FLRT1: variants seen among roughly 807,000 people sequenced by gnomAD.
FLRT1 encodes leucine-rich repeat transmembrane protein FLRT1.
In FLRT1, 14 loss-of-function variants were observed where a neutral mutation model predicts 30.9. The ratio of observed to expected loss-of-function variants is 0.45; its 90% confidence interval spans 0.30 to 0.71. The LOEUF (loss-of-function observed/expected upper bound fraction) is 0.71, where lower values mean the gene tolerates loss of function less well. Among genes scored for constraint, FLRT1 ranks in the 30% least tolerant of loss-of-function variants. The probability of loss-of-function intolerance (pLI) is 0.08; values close to 1 mark genes in which losing one functional copy is unlikely to be tolerated. For synonymous variants in FLRT1, 368 were observed against 430.4 expected, an observed-to-expected ratio of 0.85 and a Z score of 1.80; for missense variants, 737 against 949.2, an observed-to-expected ratio of 0.78 and a Z score of 2.94.
intron 1 of FLRT1, among the ~76,000 whole-genome samples, chr11:64,061,612 A>G (rs1465665592): frequency 6.6e-6 from 1 of 152,110 alleles, no homozygotes; most frequent in African/African-American, 2.4e-5. Flanking sequence ...CCGAATCTGC[A>G]TGCCTCTCTG....
Position 64,096,013 on chromosome 11 carries a change from G to A in FLRT1, c.-1037-7181G>A, listed in dbSNP as rs1028295215. Reference sequence around the variant, plus strand: ...GGCCCATGAGCCTGCAGGATATGTCGCGCTGCAGCCAGCACAGTGCTGCTT... The same window carrying A: ...GGCCCATGAGCCTGCAGGATATGTCACGCTGCAGCCAGCACAGTGCTGCTT... On this transcript the variant is annotated intron_variant, in intron 1 of 2. Coordinates refer to ENST00000682287, the MANE Select transcript of FLRT1 (RefSeq NM_013280.5). This position sits in a 1 kb window ranked among gnomAD's most constrained non-coding sequence, Gnocchi z 4.6. 2.0e-5 allele frequency among the ~76,000 whole-genome samples: 3 copies of A among 152,170 alleles called. No individual in the cohort carries two copies. Among genetic ancestry groups the A allele is most frequent in the Non-Finnish European group, 2.9e-5 (2 of 68,022 alleles).
At chr11:64,043,930 C>T (rs1453320266) in intron 1 of FLRT1, among the ~76,000 whole-genome samples, 2 of 151,934 alleles carry the variant, frequency 1.3e-5, no homozygotes, top group African/African-American at 4.8e-5. Context: ...TCTCCTGCCT[C>T]AGCCTCCCAA....
intron 1 of FLRT1, among the ~76,000 whole-genome samples, chr11:64,080,100 C>T (rs1944276615): frequency 6.6e-6 from 1 of 152,196 alleles, no homozygotes; most frequent in Non-Finnish European, 1.5e-5. Flanking sequence ...GCAACCTCCG[C>T]CTCCCAGGTT....
chr11:64,065,743 T>C (rs1333810992), intron 1 of FLRT1, among the ~76,000 whole-genome samples: 1 of 135,360 alleles, frequency 7.4e-6, no homozygotes, highest in Admixed American at 8.7e-5. Flanking sequence ...TGAGCTGAGA[T>C]GGCGCCACTG....
intron 2 of FLRT1, among the ~76,000 whole-genome samples, chr11:64,109,630 T>C (rs138424943): frequency 2.6e-5 from 4 of 152,104 alleles, no homozygotes; most frequent in Middle Eastern, 3.4e-3. Context: ...AAAACCCTCT[T>C]ACCTCCCCGG....
chr11:64,078,642 T>C (rs1183139515), intron 1 of FLRT1, among the ~76,000 whole-genome samples: 3 of 152,200 alleles, frequency 2.0e-5, no homozygotes, highest in African/African-American at 4.8e-5. Context: ...TCATGGCTCC[T>C]GCATCCTTGT....
At chr11:64,074,499 C>A (rs1019610932) in intron 1 of FLRT1, among the ~76,000 whole-genome samples, 2 of 152,192 alleles carry the variant, frequency 1.3e-5, no homozygotes, top group Admixed American at 6.5e-5. Flanking sequence ...GAACAGAGCT[C>A]AGAGAGGTTC....
intron 1 of FLRT1, among the ~76,000 whole-genome samples, chr11:64,078,181 C>T (rs1447687806): frequency 1.3e-5 from 2 of 152,218 alleles, no homozygotes; most frequent in South Asian, 4.1e-4. Context: ...CTGTGCCCGC[C>T]CCAGAGATGC....
At chr11:64,089,057 G>T (rs562469095) in intron 1 of FLRT1, among the ~76,000 whole-genome samples, 132 of 152,284 alleles carry the variant, frequency 8.7e-4, no homozygotes, top group African/African-American at 3.0e-3. Flanking sequence ...CTCGTGCCCC[G>T]CCGGCTGTCC....
At chr11:64,068,865 T>TC (rs559566271) in intron 1 of FLRT1, among the ~76,000 whole-genome samples, 1 of 152,216 alleles carries the variant, frequency 6.6e-6, no homozygotes, top group South Asian at 2.1e-4. Flanking sequence ...GCCTCGGCCT[T>TC]CCCCGGAGGT....
chr11:64,065,405 C>T (rs1357340875), intron 1 of FLRT1, among the ~76,000 whole-genome samples: 2 of 152,134 alleles, frequency 1.3e-5, no homozygotes, highest in Non-Finnish European at 2.9e-5. Flanking sequence ...GAAGAGTTCA[C>T]CCACTACCTC....
At chr11:64,062,608 G>T (rs995711454) in intron 1 of FLRT1, among the ~76,000 whole-genome samples, 1 of 150,096 alleles carries the variant, frequency 6.7e-6, no homozygotes, top group Admixed American at 6.6e-5. Flanking sequence ...TGTCCTGGGC[G>T]CTGGGGATGG....
intron 1 of FLRT1, among the ~76,000 whole-genome samples, chr11:64,044,006 G>A (rs1456888626): frequency 4.0e-5 from 6 of 151,854 alleles, no homozygotes; most frequent in Non-Finnish European, 7.4e-5. Context: ...GTAGAGACGG[G>A]GATTCACCAT....
At chr11:64,111,767 T>C (rs946600050) in intron 2 of FLRT1, among the ~76,000 whole-genome samples, 11 of 152,212 alleles carry the variant, frequency 7.2e-5, no homozygotes, top group African/African-American at 2.7e-4. Context: ...AAGCCCGTCC[T>C]TTCCCATGAT....
rs367873913 is a variant in FLRT1 at position 64,062,358 on chromosome 11, G to A, written c.-1038+26199G>A. Among the ~76,000 whole-genome samples the A allele has an allele frequency of 2.7e-4, 41 of 152,278 alleles. No homozygotes were observed. The East Asian group carries it at 3.3e-3, about 12-fold the overall frequency. ...GAGTCCTGCGTCTGTGGCTGGCTCA[G>A]ACATATGCAGAGGCCCTCCCACACC... On this transcript the variant is annotated intron_variant, in intron 1 of 2. Transcript: ENST00000682287.
At chr11:64,073,826 G>T (rs960162536) in intron 1 of FLRT1, among the ~76,000 whole-genome samples, 11 of 152,204 alleles carry the variant, frequency 7.2e-5, no homozygotes, top group Non-Finnish European at 1.6e-4. Flanking sequence ...GGGGAGGGGG[G>T]CCCACAGCCC....
At chr11:64,094,643 G>A (rs1321678610) in intron 1 of FLRT1, among the ~76,000 whole-genome samples, 1 of 152,212 alleles carries the variant, frequency 6.6e-6, no homozygotes, top group African/African-American at 2.4e-5. Context: ...GCAGACTCCG[G>A]AGGCTCAGTG....
At chr11:64,041,199 TAAAAAAAAA>T (rs71045724) in intron 1 of FLRT1, among the ~76,000 whole-genome samples, 19 of 21,602 alleles carry the variant, frequency 8.8e-4, no homozygotes, top group East Asian at 2.5e-3. Flanking sequence ...TAGCAAACTG[TAAAAAAAAA>T]AAAAAAAAAA....
intron 2 of FLRT1, 77 bp downstream of exon 2, chr11:64,104,258 G>C: frequency 6.6e-6 from 1 of 152,162 alleles, no homozygotes; most frequent in Middle Eastern, 3.2e-3. Flanking sequence ...CTCGCACCCA[G>C]ACAGCTGGGT....
Sources: gnomAD v4.1 joint callset for allele counts (sites outside exome capture counted in the v4.1 genomes callset) on GRCh38, gnomAD v4.1.1 for gene constraint, Gnocchi (gnomAD v3.1) non-coding constraint, MANE v1.5 for transcripts, NCBI Gene and HGNC (gene_info 2026-07-23, HGNC 2026-07-21) for gene names.